MADD: variants seen among roughly 807,000 people sequenced by gnomAD.
MADD encodes the protein MAP kinase-activating death domain protein.
In MADD, 109 loss-of-function variants were observed where a neutral mutation model predicts 176.7. The observed-to-expected ratio is 0.62, with a 90% CI of 0.53 to 0.72. The LOEUF is 0.72. Among genes scored for constraint, MADD ranks in the 30% least tolerant of loss-of-function variants. The pLI is 0.00. For synonymous variants in MADD, 771 were observed against 771.3 expected (o/e 1.00, Z 0.01); for missense variants, 1,914 against 2,045.5 (o/e 0.94, Z 1.24).
chr11:47,286,644 C>G, intron 15 of MADD, 110 bp downstream of exon 15: 1 of 760,444 alleles, frequency 1.3e-6, no homozygotes, highest in Non-Finnish European at 2.2e-6. Flanking sequence ...TGGTTGTCGT[C>G]CCTCATGTTG....
chr11:47,295,692 C>T, intron 21 of MADD, 113 bp downstream of exon 23: 1 of 1,566,166 alleles, frequency 6.4e-7, no homozygotes, highest in South Asian at 1.2e-5. Context: ...GCATGGTTCT[C>T]ATGGTGGAGA....
chr11:47,313,968 C>T (rs1438468467), intron 26 of MADD, among the ~76,000 whole-genome samples: 1 of 152,120 alleles, frequency 6.6e-6, no homozygotes, highest in African/African-American at 2.4e-5. Context: ...CCACGCTGGT[C>T]AGGCTGGTCT....
intron 19 of MADD, 44 bp from the exon 22 acceptor site, chr11:47,293,839 C>G: frequency 1.5e-6 from 2 of 1,312,854 alleles, no homozygotes; most frequent in Non-Finnish European, 2.2e-6. Context: ...CCAGCCTGCC[C>G]CTAGCCTTTG....
chr11:47,273,692 C>T, intron 1 of MADD, 135 bp from the exon 2 acceptor site: 1 of 472,500 alleles, frequency 2.1e-6, no homozygotes, highest in Non-Finnish European at 3.9e-6. Context: ...CGAGGCTAGG[C>T]AAGCGTCAAG....
At chr11:47,269,927 C>G (rs1283712794), upstream of MADD, 1 of 152,184 alleles carries the variant, frequency 6.6e-6, no homozygotes, top group Non-Finnish European at 1.5e-5. Context: ...GGGTCCCCCA[C>G]TTGGCACGCG....
At chr11:47,298,859 G>T (rs1468781455) in intron 22 of MADD, among the ~76,000 whole-genome samples, 3 of 152,140 alleles carry the variant, frequency 2.0e-5, no homozygotes, top group Non-Finnish European at 4.4e-5. Flanking sequence ...TTTGTATATG[G>T]TGAGAGCTAA....
At chr11:47,329,448 T>G in exon 33 of MADD, 1 of 385,482 alleles carries the variant, frequency 2.6e-6, no homozygotes, top group Non-Finnish European at 4.9e-6. Context: ...GACATTTGTG[T>G]TGTGGTTCCT....
intron 27 of MADD, among the ~76,000 whole-genome samples, chr11:47,317,862 CG>C (rs2093524878): frequency 6.6e-6 from 1 of 151,928 alleles, no homozygotes; most frequent in South Asian, 2.1e-4. Flanking sequence ...CTATACCTCC[CG>C]GGTTCAAGCA....
intron 26 of MADD, among the ~76,000 whole-genome samples, chr11:47,313,920 C>T (rs1401005856): frequency 5.9e-5 from 9 of 151,944 alleles, no homozygotes; most frequent in Non-Finnish European, 1.2e-4. Context: ...CCACAACGCC[C>T]GGCTAATTTT....
chr11:47,324,281 A>G lies in MADD; in HGVS notation c.4379A>G (p.Tyr1460Cys), dbSNP rs1030219911. The change falls in exon 29 of 33, where the codon TAC becomes TGC. Residue 1460 changes from tyrosine (Y) to cysteine (C), a missense_variant. Around this residue, in one of 2 missense-constraint regions of MADD, gnomAD observed 147 missense variants for 209.5 expected, o/e 0.70. Coordinates refer to ENST00000402192, the Ensembl canonical transcript of MADD. ...GTGCCACAGTGTCGGGAGCTGTACTACTGTGTGAAGGACAGCATGGAGCGC... is the reference window on the plus strand; with the variant it reads ...GTGCCACAGTGTCGGGAGCTGTACTGCTGTGTGAAGGACAGCATGGAGCGC... The G allele has an allele frequency of 1.4e-5, 22 of 1,614,052 alleles. No homozygotes were observed. The highest frequency in any genetic ancestry group is 1.9e-5 in the Non-Finnish European group (22 of 1,180,026).
At chr11:47,274,687 A>G in exon 3 of MADD, 1 of 1,614,156 alleles carries the variant, frequency 6.2e-7, no homozygotes, top group Non-Finnish European at 8.5e-7. Context: ...GGGCTGCCTG[A>G]GCGTGCGGCA....
At chr11:47,299,583 GGCTTTT>G (rs1239125809) in intron 22 of MADD, among the ~76,000 whole-genome samples, 6 of 136,532 alleles carry the variant, frequency 4.4e-5, no homozygotes, top group Non-Finnish European at 7.7e-5. Context: ...GAGATTTTAG[GGCTTTT>G]TTTTTTTTTT....
chr11:47,310,138 G>T (rs944220186), intron 25 of MADD, among the ~76,000 whole-genome samples: 2 of 150,596 alleles, frequency 1.3e-5, no homozygotes, highest in East Asian at 4.0e-4. Context: ...CAGTGCGCCC[G>T]ACCAAGAACT....
At chr11:47,295,382 C>T in intron 20 of MADD, 114 bp from the exon 23 acceptor site, 2 of 810,862 alleles carry the variant, frequency 2.5e-6, no homozygotes, top group Non-Finnish European at 4.1e-6. Flanking sequence ...CGTGACTTCT[C>T]TAAGGATGAT....
chr11:47,282,518 C>T, exon 9 of MADD: 1 of 1,614,222 alleles, frequency 6.2e-7, no homozygotes, highest in Non-Finnish European at 8.5e-7. Context: ...CCCCGGCAGA[C>T]TCCTTTTGCC....
intron 27 of MADD, among the ~76,000 whole-genome samples, 176 bp from the exon 31 acceptor site, chr11:47,323,495 T>C (rs2094899205): frequency 6.6e-6 from 1 of 152,174 alleles, no homozygotes; most frequent in Admixed American, 6.5e-5. Context: ...CAACAATCCT[T>C]GTAGCAGGCA....
chr11:47,321,596 G>C (rs146854287), intron 27 of MADD, among the ~76,000 whole-genome samples: 33 of 152,282 alleles, frequency 2.2e-4, no homozygotes, highest in Admixed American at 3.9e-4. Context: ...AGAAGCTCAG[G>C]GGGGGCAGAA....
At position 47,293,789 on chromosome 11, in the gene MADD, G is replaced by A. The variant is rs2067603990; in HGVS notation, c.3302-94G>A. 53 of 778,058 alleles carry A rather than the reference G, an allele frequency of 6.8e-5. 2 individuals carry two copies. In the South Asian group the frequency reaches 7.2e-4, roughly 11 times the overall value. 48.2% of individuals were successfully genotyped at this position (778,058 alleles called of 1,614,324 possible). A position where few individuals can be genotyped will look rare whatever the true frequency, so the allele number is the denominator to read the frequency against. ...GAAAGGTGACTAGGATGGGCTGAAC[G>A]GGTCTGGGAACAGCCTGTGCTGCCG... On this transcript the variant is annotated intron_variant, in intron 19 of 32. Transcript: ENST00000402192.
exon 11 of MADD, chr11:47,284,227 C>G: frequency 6.2e-7 from 1 of 1,614,094 alleles, no homozygotes; most frequent in Non-Finnish European, 8.5e-7. Context: ...TTACTCCTCC[C>G]TTGGTGACTT....
Sources: gnomAD v4.1 joint callset for allele counts (sites outside exome capture counted in the v4.1 genomes callset) on GRCh38, gnomAD v4.1.1 for gene constraint, gnomAD v4.1.1 regional missense constraint, MANE v1.5 for transcripts, NCBI Gene and HGNC (gene_info 2026-07-23, HGNC 2026-07-21) for gene names.